RYR2: variants seen among roughly 807,000 people sequenced by gnomAD.
RYR2 encodes cardiac muscle ryanodine receptor-calcium release channel.
In RYR2, 227 loss-of-function variants were observed where a neutral mutation model predicts 601.1. The observed-to-expected ratio is 0.38, with a 90% CI of 0.34 to 0.42. RYR2 has a LOEUF of 0.42. Ranked by LOEUF, RYR2 falls within the 10% of genes least tolerant of loss-of-function variation. RYR2 has a pLI of 1.00. For missense variants in RYR2, 4,646 were observed against 6,156.5 expected (o/e 0.75, Z 8.21); for synonymous variants, 2,223 against 2,175.1 (o/e 1.02, Z -0.61).
intron 80 of RYR2, among the ~76,000 whole-genome samples, chr1:237,743,880 G>A (rs1266936910): frequency 7.2e-5 from 11 of 152,082 alleles, no homozygotes; most frequent in Admixed American, 7.2e-4. Context: ...TACTGTGCTG[G>A]GATAAAGGAG....
chr1:237,554,412 T>A (rs1670690280), intron 27 of RYR2, among the ~76,000 whole-genome samples: 1 of 151,970 alleles, frequency 6.6e-6, no homozygotes, highest in Non-Finnish European at 1.5e-5. Flanking sequence ...TGCTTAGGAC[T>A]TTTGTAGCTA....
In RYR2 at chr1:237,614,141, G is replaced by A. The variant is rs762729306; in HGVS notation, c.5013G>A (p.Arg1671=). 1.2e-6 allele frequency: 2 copies of A among 1,613,984 alleles called. No homozygotes were observed. Among genetic ancestry groups the A allele is most frequent in the Non-Finnish European group, 1.7e-6 (2 of 1,179,900 alleles). The part of the protein sequence containing the change: ...YSAVCALGNH[R]VAHALCSHVD... The stretch of plus-strand genomic sequence containing the variant: ...CCGTCTGTGCTCTTGGGAACCACCG[G>A]GTGGCCCATGCCCTGTGCAGCCATG... The change falls in exon 37 of 105, where the codon CGG becomes CGA. Residue 1671 remains arginine, a synonymous_variant. Coordinates refer to ENST00000366574, the MANE Select transcript of RYR2 (RefSeq NM_001035.3). The surrounding 1 kb of genome is among the most constrained non-coding windows in gnomAD (Gnocchi z 4.3).
At chr1:237,182,389 G>A (rs369492752) in intron 1 of RYR2, among the ~76,000 whole-genome samples, 1 of 151,986 alleles carries the variant, frequency 6.6e-6, no homozygotes, top group East Asian at 1.9e-4. Flanking sequence ...CAAAGTGCTG[G>A]GATTACAGGC....
Position 237,792,349 on chromosome 1 carries a change from C to CTGTGTG in RYR2, c.13782+53_13782+58dup, listed in dbSNP as rs34337859. 229 of 705,862 alleles carry CTGTGTG rather than the reference C, an allele frequency of 3.2e-4. No individual in the cohort carries two copies. In the East Asian group the frequency reaches 4.2e-3, roughly 13 times the overall value. 43.7% of individuals were successfully genotyped at this position (705,862 alleles called of 1,614,324 possible). ...GTAAGATAGTAAGGCACCAAGGTAC[C>CTGTGTG]TGTGTGTGTGTGTGTGTGTGTGTGT... On this transcript the variant is annotated intron_variant, in intron 94 of 104. Transcript: ENST00000366574.
chr1:237,760,959 C>T lies in RYR2; in HGVS notation c.11407C>T (p.Leu3803Phe). The change falls in exon 84 of 105, where the codon CTT becomes TTT. Residue 3803 changes from leucine (L) to phenylalanine (F), a missense_variant. Leu to Phe is a conservative substitution (Grantham distance 22). Transcript: ENST00000366574. Reference protein sequence around the residue: ...LAGLMQSCSVLDLNAFERQNK... With the variant: ...LAGLMQSCSVFDLNAFERQNK... ...TTTTTTCCCTTGTTATTATAGTGTCCTTGACCTAAATGCATTTGAGCGACA... is the reference window on the plus strand; with the variant it reads ...TTTTTTCCCTTGTTATTATAGTGTCTTTGACCTAAATGCATTTGAGCGACA... 6.4e-7 allele frequency: 1 copy of T among 1,564,066 alleles called. No individual in the cohort carries two copies.
At chr1:237,261,247 T>C (rs938566994) in intron 1 of RYR2, among the ~76,000 whole-genome samples, 1 of 152,204 alleles carries the variant, frequency 6.6e-6, no homozygotes, top group Non-Finnish European at 1.5e-5. Flanking sequence ...CCCTGAATGG[T>C]TGCAGTGACC....
intron 33 of RYR2, among the ~76,000 whole-genome samples, chr1:237,594,804 A>G (rs1457221634): frequency 6.6e-6 from 1 of 150,830 alleles, no homozygotes; most frequent in Non-Finnish European, 1.5e-5. Context: ...ATAAGGCTCA[A>G]ATTACTTAAC....
intron 35 of RYR2, among the ~76,000 whole-genome samples, chr1:237,608,609 G>A (rs368399656): frequency 4.6e-5 from 7 of 152,220 alleles, no homozygotes; most frequent in African/African-American, 1.4e-4. Context: ...GGCTGAGGTG[G>A]GAGGATCACT....
intron 2 of RYR2, among the ~76,000 whole-genome samples, chr1:237,276,626 T>C (rs986492644): frequency 3.3e-5 from 5 of 152,182 alleles, no homozygotes; most frequent in African/African-American, 1.2e-4. Flanking sequence ...AAATATTTGA[T>C]TATTAGAAGT....
chr1:237,634,779 C>T (rs974109376), intron 43 of RYR2, 110 bp from the exon 44 acceptor site: 1 of 744,602 alleles, frequency 1.3e-6, no homozygotes, highest in Non-Finnish European at 2.3e-6. Context: ...TAGATTAATA[C>T]ACTATGGATG....
At chr1:237,815,517 C>T (rs1247889686) in intron 100 of RYR2, among the ~76,000 whole-genome samples, 1 of 152,106 alleles carries the variant, frequency 6.6e-6, no homozygotes, top group Non-Finnish European at 1.5e-5. Context: ...TTTATTAAGC[C>T]TAAATAATCA....
intron 29 of RYR2, among the ~76,000 whole-genome samples, chr1:237,577,862 G>A (rs940760649): frequency 1.3e-5 from 2 of 152,150 alleles, no homozygotes; most frequent in African/African-American, 2.4e-5. Flanking sequence ...GAGTGCAGTG[G>A]CACGATCTCA....
At chr1:237,803,952 A>T (rs2794824) in intron 98 of RYR2, among the ~76,000 whole-genome samples, 38,048 of 151,912 alleles carry the variant, frequency 0.25, 5,073 homozygotes, top group East Asian at 0.5. Flanking sequence ...ACTTACAATG[A>T]TTTTAGACAA....
chr1:237,803,010 C>G (rs1234297645), intron 98 of RYR2, among the ~76,000 whole-genome samples: 23 of 152,194 alleles, frequency 1.5e-4, no homozygotes, highest in Non-Finnish European at 3.1e-4. Flanking sequence ...AACATGCATT[C>G]ATTCTTCACT....
intron 60 of RYR2, among the ~76,000 whole-genome samples, chr1:237,677,575 T>G (rs6665145): frequency 0.32 from 48,946 of 152,026 alleles, 8,168 homozygotes; most frequent in South Asian, 0.41. Context: ...GTTTTTTAGT[T>G]TGTGTCTTAA....
chr1:237,666,652 G>A lies in RYR2; in HGVS notation c.8514+63G>A, dbSNP rs138671840. The A allele has an allele frequency of 1.8e-3, 2,258 of 1,283,854 alleles. 7 individuals carry two copies. The highest frequency in any genetic ancestry group is 2.2e-3 in the Non-Finnish European group (1,999 of 905,922). The allele number at this position is 1,283,854 out of a possible 1,614,324, so 79.5% of individuals were successfully genotyped here. A position where few individuals can be genotyped will look rare whatever the true frequency, so the allele number is the denominator to read the frequency against. Reference sequence around the variant, plus strand: ...TAATTTTTAAGAAGCATAATGTAATGCTTTCCTGCATATATTTGGCAGCAT... The same window carrying A: ...TAATTTTTAAGAAGCATAATGTAATACTTTCCTGCATATATTTGGCAGCAT... On this transcript the variant is annotated intron_variant, in intron 57 of 104. Transcript: ENST00000366574.
intron 1 of RYR2, among the ~76,000 whole-genome samples, chr1:237,114,854 A>G (rs1169770548): frequency 6.6e-6 from 1 of 152,158 alleles, no homozygotes. Context: ...TTGGCCTTGT[A>G]GGGTTATTTG....
At chr1:237,353,001 C>T (rs112989201) in intron 3 of RYR2, 17 of 377,052 alleles carry the variant, frequency 4.5e-5, no homozygotes, top group African/African-American at 8.5e-5. Flanking sequence ...TTAGTAGCTT[C>T]GTGTCATTTT....
chr1:237,237,543 G>A (rs2149216467), intron 1 of RYR2, among the ~76,000 whole-genome samples: 1 of 152,284 alleles, frequency 6.6e-6, no homozygotes, highest in South Asian at 2.1e-4. Context: ...GAAATCTGAA[G>A]ACTGACAAAA....
Sources: allele counts gnomAD v4.1 joint callset (sites outside exome capture counted in the v4.1 genomes callset), GRCh38; gene constraint gnomAD v4.1.1; non-coding constraint Gnocchi (gnomAD v3.1); transcripts MANE v1.5; gene names NCBI Gene and HGNC (gene_info 2026-07-23, HGNC 2026-07-21).